Variants in PDE3A observed in about 807,000 individuals in gnomAD.
PDE3A encodes cGMP-inhibited 3',5'-cyclic phosphodiesterase 3A.
In PDE3A, 43 loss-of-function variants were observed where a neutral mutation model predicts 98.3. The ratio of observed to expected loss-of-function variants is 0.44; its 90% CI spans 0.34 to 0.56. The LOEUF is 0.56. Among genes scored for constraint, PDE3A ranks in the 20% least tolerant of loss-of-function variants. PDE3A has a pLI of 0.01. For synonymous variants in PDE3A, 663 were observed against 567.9 expected (o/e 1.17, Z -2.38); for missense variants, 1,427 against 1,440.7 (o/e 0.99, Z 0.15).
intron 2 of PDE3A, among the ~76,000 whole-genome samples, chr12:20,580,227 G>T (rs902293827): frequency 6.6e-6 from 1 of 152,116 alleles, no homozygotes; most frequent in African/African-American, 2.4e-5. Flanking sequence ...TGGGGGTAGA[G>T]AATTGTGAGG....
intron 1 of PDE3A, chr12:20,551,986 A>G: frequency 1.2e-6 from 2 of 1,612,612 alleles, no homozygotes; most frequent in Non-Finnish European, 1.7e-6. Flanking sequence ...CCATGGCCGG[A>G]GCAACGACGG....
intron 1 of PDE3A, among the ~76,000 whole-genome samples, chr12:20,413,363 C>G (rs1022732838): frequency 6.6e-6 from 1 of 151,978 alleles, no homozygotes; most frequent in African/African-American, 2.4e-5. Context: ...TTTTGTTTTG[C>G]TTTAGGATTT....
chr12:20,526,458 TTA>T, intron 1 of PDE3A, among the ~76,000 whole-genome samples: 1 of 152,128 alleles, frequency 6.6e-6, no homozygotes, highest in East Asian at 1.9e-4. Context: ...TCAAATTTTT[TTA>T]AAAAAGTGTT....
At chr12:20,652,855 C>G (rs1481536897) in intron 14 of PDE3A, among the ~76,000 whole-genome samples, 2 of 152,168 alleles carry the variant, frequency 1.3e-5, no homozygotes, top group Non-Finnish European at 2.9e-5. Context: ...AGAGCTTCTG[C>G]ACAGCAAAAG....
At chr12:20,446,662 A>T (rs1944960098) in intron 1 of PDE3A, among the ~76,000 whole-genome samples, 1 of 152,306 alleles carries the variant, frequency 6.6e-6, no homozygotes, top group Non-Finnish European at 1.5e-5. Context: ...TTAGAATTCC[A>T]GTTAACAATA....
chr12:20,440,004 G>C (rs1944843721), intron 1 of PDE3A, among the ~76,000 whole-genome samples: 1 of 152,008 alleles, frequency 6.6e-6, no homozygotes, highest in African/African-American at 2.4e-5. Context: ...ATCCATAATT[G>C]TTTCTGTGTA....
At chr12:20,524,047 A>G (rs1592017046) in intron 1 of PDE3A, among the ~76,000 whole-genome samples, 2 of 152,326 alleles carry the variant, frequency 1.3e-5, no homozygotes, top group South Asian at 4.1e-4. Flanking sequence ...TGGGCAACCA[A>G]GTCTTGAACC....
intron 2 of PDE3A, among the ~76,000 whole-genome samples, chr12:20,610,338 A>G (rs1186572786): frequency 6.6e-6 from 1 of 152,052 alleles, no homozygotes; most frequent in Non-Finnish European, 1.5e-5. Flanking sequence ...AATTAAAACC[A>G]CTATAAGATA....
intron 1 of PDE3A, among the ~76,000 whole-genome samples, chr12:20,397,683 A>T (rs1255684498): frequency 1.3e-5 from 2 of 151,998 alleles, no homozygotes; most frequent in African/African-American, 4.8e-5. Context: ...TTTACTTTTA[A>T]AAAAAATAGA....
intron 1 of PDE3A, among the ~76,000 whole-genome samples, chr12:20,463,871 A>C (rs1274341653): frequency 6.6e-6 from 1 of 152,128 alleles, no homozygotes; most frequent in Non-Finnish European, 1.5e-5. Flanking sequence ...GTTTGTGTGT[A>C]TATGTATTGT....
chr12:20,378,710 AAC>A (rs1943614816), intron 1 of PDE3A, among the ~76,000 whole-genome samples: 1 of 151,808 alleles, frequency 6.6e-6, no homozygotes, highest in Non-Finnish European at 1.5e-5. Context: ...ATGTCATTGT[AAC>A]ACACATCTGT....
At chr12:20,623,659 G>GATGGATATATTCTAGAAAGAATATATT in intron 5 of PDE3A, among the ~76,000 whole-genome samples, 2 of 150,842 alleles carry the variant, frequency 1.3e-5, no homozygotes, top group Non-Finnish European at 3.0e-5. Flanking sequence ...AAGAATATAT[G>GATGGATATATTCTAGAAAGAATATATT]ATGGATATAT....
Position 20,673,057 on chromosome 12 carries a change from T to C in PDE3A, c.3185-6973T>C, listed in dbSNP as rs1393090929. Among the ~76,000 whole-genome samples the C allele has an allele frequency of 2.5e-3, 382 of 151,352 alleles. 3 individuals are homozygous for C. Among genetic ancestry groups the C allele is most frequent in the Non-Finnish European group, 3.1e-3 (207 of 67,564 alleles). ...GGGCGAAGGACATGAACAGACACTTTTCAAAAGAAGACATTTATGCAGCCA... is the reference window on the plus strand; with the variant it reads ...GGGCGAAGGACATGAACAGACACTTCTCAAAAGAAGACATTTATGCAGCCA... On this transcript the variant is annotated intron_variant, in intron 15 of 15. Coordinates refer to ENST00000359062, the MANE Select transcript of PDE3A (RefSeq NM_000921.5).
At chr12:20,489,428 C>A (rs1945790956) in intron 1 of PDE3A, among the ~76,000 whole-genome samples, 2 of 152,092 alleles carry the variant, frequency 1.3e-5, no homozygotes, top group African/African-American at 2.4e-5. Flanking sequence ...GTCTTATTAC[C>A]ATTTTGATTT....
intron 1 of PDE3A, among the ~76,000 whole-genome samples, chr12:20,525,249 G>T (rs1946495489): frequency 6.6e-6 from 1 of 152,120 alleles, no homozygotes; most frequent in Non-Finnish European, 1.5e-5. Flanking sequence ...GTGTTGTGAG[G>T]ACTGAATGAG....
intron 14 of PDE3A, among the ~76,000 whole-genome samples, chr12:20,651,571 C>A (rs1944917026): frequency 6.6e-6 from 1 of 151,968 alleles, no homozygotes; most frequent in Non-Finnish European, 1.5e-5. Context: ...TATGAATATA[C>A]CAGTCTATAG....
chr12:20,637,502 A>G (rs11045355), intron 9 of PDE3A, among the ~76,000 whole-genome samples: 12,145 of 152,222 alleles, frequency 0.08, 655 homozygotes, highest in Middle Eastern at 0.22. Flanking sequence ...GACAAGGGAC[A>G]AACGATCTAG....
chr12:20,397,762 A>G (rs959474504), intron 1 of PDE3A, among the ~76,000 whole-genome samples: 5 of 152,150 alleles, frequency 3.3e-5, no homozygotes, highest in African/African-American at 9.6e-5. Context: ...TGGCCTATAA[A>G]CTAGATTCAT....
chr12:20,436,891 A>G (rs1044789003), intron 1 of PDE3A, among the ~76,000 whole-genome samples: 2 of 152,224 alleles, frequency 1.3e-5, no homozygotes, highest in Admixed American at 6.5e-5. Flanking sequence ...TTAGGATTAA[A>G]TGATATTGAA....
Sources: allele counts gnomAD v4.1 joint callset (sites outside exome capture counted in the v4.1 genomes callset), GRCh38; gene constraint gnomAD v4.1.1; transcripts MANE v1.5; gene names NCBI Gene and HGNC (gene_info 2026-07-23, HGNC 2026-07-21).